UNC5D: variants seen among roughly 807,000 people sequenced by gnomAD.
The protein encoded by UNC5D is unc-5 netrin receptor D, also known as netrin receptor UNC5D.
A neutral mutation model predicts 105.4 loss-of-function variants in UNC5D; 39 were observed. That is an observed-to-expected ratio of 0.37 (90% CI 0.29 to 0.48). The LOEUF is 0.48. Among genes scored for constraint, UNC5D ranks in the 20% least tolerant of loss-of-function variants. The probability of loss-of-function intolerance (pLI) is 0.98; values close to 1 mark genes in which losing one functional copy is unlikely to be tolerated. For synonymous variants in UNC5D, 452 were observed against 450.4 expected (o/e 1.00, Z -0.04); for missense variants, 991 against 1,202.4 (o/e 0.82, Z 2.60).
At chr8:35,332,246 T>C (rs1256770896) in intron 1 of UNC5D, among the ~76,000 whole-genome samples, 1 of 152,246 alleles carries the variant, frequency 6.6e-6, no homozygotes, top group African/African-American at 2.4e-5. Context: ...GAGCTTTCAA[T>C]GTGTTCAGTC....
chr8:35,442,928 A>T (rs1563423488), intron 1 of UNC5D, among the ~76,000 whole-genome samples: 1 of 150,526 alleles, frequency 6.6e-6, no homozygotes, highest in Non-Finnish European at 1.5e-5. Flanking sequence ...ACACACACAC[A>T]CACACACAAC....
At chr8:35,604,110 T>C (rs971026651) in intron 4 of UNC5D, among the ~76,000 whole-genome samples, 19 of 152,126 alleles carry the variant, frequency 1.2e-4, no homozygotes, top group African/African-American at 3.1e-4. Context: ...TTATTTTGCT[T>C]GTTAGTTGAT....
At chr8:35,472,776 A>C (rs1195672410) in intron 1 of UNC5D, among the ~76,000 whole-genome samples, 1 of 152,220 alleles carries the variant, frequency 6.6e-6, no homozygotes, top group Non-Finnish European at 1.5e-5. Context: ...GGATGAATAA[A>C]GAATGCAAGC....
At chr8:35,775,466 C>T (rs1415180430) in intron 16 of UNC5D, among the ~76,000 whole-genome samples, 2 of 152,144 alleles carry the variant, frequency 1.3e-5, no homozygotes, top group Non-Finnish European at 2.9e-5. Flanking sequence ...GGTTTGGGCT[C>T]AGCTTGAGGG....
At chr8:35,472,450 C>T (rs1809799390) in intron 1 of UNC5D, among the ~76,000 whole-genome samples, 1 of 151,938 alleles carries the variant, frequency 6.6e-6, no homozygotes. Context: ...CAGAAAAACA[C>T]TGAGAAAAAT....
intron 15 of UNC5D, 49 bp from the exon 16 acceptor site, chr8:35,774,250 G>A (rs113958758): frequency 1.2e-6 from 2 of 1,604,564 alleles, no homozygotes; most frequent in Non-Finnish European, 1.7e-6. Flanking sequence ...GTGTTGGTCA[G>A]GACTGCTTTC....
chr8:35,778,653 C>T (rs1802366474), intron 16 of UNC5D, among the ~76,000 whole-genome samples: 1 of 152,212 alleles, frequency 6.6e-6, no homozygotes, highest in Admixed American at 6.5e-5. Context: ...TCGCCTGACT[C>T]TTCCCCTCCA....
At chr8:35,498,510 G>A (rs1194631043) in intron 1 of UNC5D, among the ~76,000 whole-genome samples, 1 of 152,156 alleles carries the variant, frequency 6.6e-6, no homozygotes, top group African/African-American at 2.4e-5. Flanking sequence ...AAACATGATG[G>A]GTGAGCATTG....
chr8:35,418,062 G>A (rs1416998127), intron 1 of UNC5D, among the ~76,000 whole-genome samples: 1 of 151,938 alleles, frequency 6.6e-6, no homozygotes, highest in Non-Finnish European at 1.5e-5. Context: ...TTTCCTTTTT[G>A]CAGACCCTGA....
intron 1 of UNC5D, among the ~76,000 whole-genome samples, chr8:35,280,208 C>G (rs1183795489): frequency 2.0e-5 from 3 of 152,066 alleles, no homozygotes; most frequent in African/African-American, 7.2e-5. Flanking sequence ...GTTGGTCTGG[C>G]TGGTCTTGAA....
At chr8:35,750,457 T>C (rs1042845594) in intron 12 of UNC5D, 125 bp from the exon 13 acceptor site, 41 of 926,644 alleles carry the variant, frequency 4.4e-5, no homozygotes, top group Non-Finnish European at 6.3e-5. Flanking sequence ...TCGGGATAAT[T>C]GGGCAATAGG....
intron 1 of UNC5D, among the ~76,000 whole-genome samples, chr8:35,337,028 T>G (rs1811095683): frequency 6.6e-6 from 1 of 152,206 alleles, no homozygotes; most frequent in Non-Finnish European, 1.5e-5. Flanking sequence ...ACATATAGCT[T>G]CTTTTCCCTG....
chr8:35,620,963 G>C (rs758624869), intron 4 of UNC5D, among the ~76,000 whole-genome samples: 2 of 152,186 alleles, frequency 1.3e-5, no homozygotes, highest in Non-Finnish European at 2.9e-5. Flanking sequence ...GACGTTTGGG[G>C]TCGGATACTC....
At chr8:35,601,668 G>T (rs1165745806) in intron 4 of UNC5D, among the ~76,000 whole-genome samples, 4 of 152,200 alleles carry the variant, frequency 2.6e-5, no homozygotes, top group Non-Finnish European at 5.9e-5. Context: ...AGACTTTGCT[G>T]AAGTTGCTTA....
At chr8:35,657,728 C>T (rs1823864535) in intron 4 of UNC5D, among the ~76,000 whole-genome samples, 1 of 152,144 alleles carries the variant, frequency 6.6e-6, no homozygotes, top group African/African-American at 2.4e-5. Context: ...TCAAGTGATC[C>T]TCCTACATTG....
chr8:35,335,756 ATTT>A (rs35774459), intron 1 of UNC5D, among the ~76,000 whole-genome samples: 103 of 90,436 alleles, frequency 1.1e-3, no homozygotes, highest in African/African-American at 4.2e-3. Flanking sequence ...AGAGATTGCA[ATTT>A]TTTTTTTTTT....
At position 35,791,043 on chromosome 8, in the gene UNC5D, G is replaced by T. The variant is rs560200334; in HGVS notation, c.*480G>T. The T allele has an allele frequency of 2.0e-3, 368 of 184,744 alleles. 2 individuals are homozygous for T. Among genetic ancestry groups the T allele is most frequent in the African/African-American group, 8.3e-3 (353 of 42,458 alleles). 11.4% of individuals were successfully genotyped at this position (184,744 alleles called of 1,614,324 possible). A position where few individuals can be genotyped will look rare whatever the true frequency, so the allele number is the denominator to read the frequency against. On this transcript the variant is annotated 3_prime_UTR_variant, in exon 17 of 17. Transcript: ENST00000404895. Reference sequence around the variant, plus strand: ...TGGCTTTTAGACGTGAAACAGGGTTGCCAACCCATTTGTATGACTTCAACA... The same window carrying T: ...TGGCTTTTAGACGTGAAACAGGGTTTCCAACCCATTTGTATGACTTCAACA...
intron 1 of UNC5D, among the ~76,000 whole-genome samples, chr8:35,428,104 C>A (rs1361302311): frequency 6.6e-6 from 1 of 152,164 alleles, no homozygotes; most frequent in East Asian, 1.9e-4. Flanking sequence ...AGGTTAAGAA[C>A]CTTACTCAGG....
chr8:35,321,099 C>T (rs1473258324), intron 1 of UNC5D, among the ~76,000 whole-genome samples: 1 of 152,092 alleles, frequency 6.6e-6, no homozygotes, highest in Non-Finnish European at 1.5e-5. Context: ...AATTTTGCAT[C>T]AGCTTTATTG....
Sources: gnomAD v4.1 joint callset for allele counts (sites outside exome capture counted in the v4.1 genomes callset) on GRCh38, gnomAD v4.1.1 for gene constraint, MANE v1.5 for transcripts, NCBI Gene and HGNC (gene_info 2026-07-23, HGNC 2026-07-21) for gene names.